The following ITGBL1 variants were observed in gnomAD, a reference collection of about 807,000 sequenced individuals.
ITGBL1 encodes the protein integrin beta-like protein 1.
Under a neutral mutation model 68.5 loss-of-function variants are expected in ITGBL1, and 51 were observed. That is an observed-to-expected ratio of 0.74 (90% CI 0.59 to 0.94). ITGBL1 has a LOEUF of 0.94. Among genes scored for constraint, ITGBL1 ranks in the 40% least tolerant of loss-of-function variants. The pLI, the probability that ITGBL1 is intolerant of heterozygous loss-of-function variation, is 0.00. For missense variants in ITGBL1, 649 were observed against 647.4 expected, an observed-to-expected ratio of 1.00 and a Z score of -0.03; for synonymous variants, 209 against 227.3, an observed-to-expected ratio of 0.92 and a Z score of 0.72.
At chr13:101,641,447 T>C (rs916312671) in intron 7 of ITGBL1, among the ~76,000 whole-genome samples, 3 of 152,034 alleles carry the variant, frequency 2.0e-5, no homozygotes, top group Middle Eastern at 3.2e-3. Context: ...TTTGATTGTC[T>C]ATTTATGTCA....
intron 2 of ITGBL1, among the ~76,000 whole-genome samples, chr13:101,520,290 A>G (rs903961175): frequency 4.6e-5 from 7 of 152,238 alleles, no homozygotes; most frequent in African/African-American, 1.7e-4. Context: ...GTGGTTGAGT[A>G]CGATCAAAAC....
At position 101,715,875 on chromosome 13, in the gene ITGBL1, A is replaced by T. The variant is rs918505356; in HGVS notation, c.*221A>T. 8 of 439,756 alleles carry T rather than the reference A, an allele frequency of 1.8e-5. No homozygotes were observed. In the Admixed American group the frequency reaches 2.7e-4, roughly 15 times the overall value. 27.2% of individuals were successfully genotyped at this position (439,756 alleles called of 1,614,324 possible). Reference sequence around the variant, plus strand: ...AAAAAAAGATTCTTCCATAATTAACATAAGTGGTTCCTAACGAGAGCAATT... The same window carrying T: ...AAAAAAAGATTCTTCCATAATTAACTTAAGTGGTTCCTAACGAGAGCAATT... On this transcript the variant is annotated 3_prime_UTR_variant, in exon 11 of 11. Coordinates refer to ENST00000376180, the MANE Select transcript of ITGBL1 (RefSeq NM_004791.3).
rs547611508 is a variant in ITGBL1, at chr13:101,547,693, A to G, written c.317-20006A>G. On this transcript the variant is annotated intron_variant, in intron 2 of 10. Coordinates refer to ENST00000376180, the MANE Select transcript of ITGBL1 (RefSeq NM_004791.3). ...AAAATAATTTATTGTACATTTTTAAATAACTAAAATATTGGATTGTTTTTT... is the reference window on the plus strand; with the variant it reads ...AAAATAATTTATTGTACATTTTTAAGTAACTAAAATATTGGATTGTTTTTT... 3.9e-5 allele frequency among the ~76,000 whole-genome samples: 6 copies of G among 151,950 alleles called. No individual in the cohort carries two copies. The East Asian group carries it at 1.2e-3, about 29-fold the overall frequency.
At chr13:101,516,485 G>A (rs996733511) in intron 2 of ITGBL1, among the ~76,000 whole-genome samples, 4 of 152,140 alleles carry the variant, frequency 2.6e-5, no homozygotes, top group African/African-American at 7.2e-5. Flanking sequence ...CCAGGCATTT[G>A]CATTCAATTT....
At chr13:101,596,799 A>G (rs911666243) in intron 6 of ITGBL1, among the ~76,000 whole-genome samples, 5 of 152,030 alleles carry the variant, frequency 3.3e-5, no homozygotes, top group East Asian at 3.9e-4. Flanking sequence ...CATATTACCA[A>G]CTGAAAAAAA....
At chr13:101,567,941 T>G in intron 3 of ITGBL1, 96 bp downstream of exon 3, 1 of 938,302 alleles carries the variant, frequency 1.1e-6, no homozygotes, top group Non-Finnish European at 1.6e-6. Context: ...AATCTCAGAG[T>G]GAGTCTGCTT....
Position 101,517,744 on chromosome 13 carries a change from G to A in ITGBL1, c.317-49955G>A, listed in dbSNP as rs142948796. Among the ~76,000 whole-genome samples, 1,243 of 152,274 alleles carry A rather than the reference G, an allele frequency of 8.2e-3. 4 individuals carry two copies. The highest frequency in any genetic ancestry group is 0.027 in the Middle Eastern group (8 of 294). Reference sequence around the variant, plus strand: ...CCAGTGTGGTGGAGGGTTAATCTTGGCCAATTCAGGGTTCTTCCTTTCCAT... The same window carrying A: ...CCAGTGTGGTGGAGGGTTAATCTTGACCAATTCAGGGTTCTTCCTTTCCAT... On this transcript the variant is annotated intron_variant, in intron 2 of 10. Transcript: ENST00000376180.
intron 6 of ITGBL1, among the ~76,000 whole-genome samples, chr13:101,585,717 A>G (rs1246720191): frequency 1.1e-4 from 16 of 152,032 alleles, no homozygotes; most frequent in Admixed American, 1.0e-3. Flanking sequence ...GGTGTGAGCC[A>G]CCTCCCCCGG....
Position 101,598,481 on chromosome 13 carries a change from A to G in ITGBL1, c.1015+182A>G, listed in dbSNP as rs143330395. Among the ~76,000 whole-genome samples, 996 of 151,810 alleles carry G rather than the reference A, an allele frequency of 6.6e-3. 6 individuals carry two copies. The highest frequency in any genetic ancestry group is 0.024 in the South Asian group (117 of 4,798). On this transcript the variant is annotated intron_variant, in intron 7 of 10. Coordinates refer to ENST00000376180, the MANE Select transcript of ITGBL1 (RefSeq NM_004791.3). Reference sequence around the variant, plus strand: ...TTAAGTTTTAGTGTACATGTGCGCAATGTGCAGGTTTGTTACATATGTATA... The same window carrying G: ...TTAAGTTTTAGTGTACATGTGCGCAGTGTGCAGGTTTGTTACATATGTATA...
chr13:101,639,366 A>G (rs780673544), intron 7 of ITGBL1, among the ~76,000 whole-genome samples: 3 of 152,198 alleles, frequency 2.0e-5, no homozygotes, highest in Non-Finnish European at 4.4e-5. Flanking sequence ...AAGACTGATA[A>G]TGTTGCTCAA....
downstream of ITGBL1, chr13:101,717,842 C>T (rs2034784677): frequency 6.6e-6 from 1 of 152,108 alleles, no homozygotes; most frequent in Admixed American, 6.6e-5. Flanking sequence ...CATCACAAAA[C>T]CTCAGGTATG....
chr13:101,488,669 C>T (rs1186272190), intron 2 of ITGBL1, among the ~76,000 whole-genome samples: 3 of 152,146 alleles, frequency 2.0e-5, no homozygotes, highest in East Asian at 1.9e-4. Context: ...ATGTCTTATT[C>T]GTGAACCCCC....
chr13:101,594,616 G>A (rs1446063929), intron 6 of ITGBL1, among the ~76,000 whole-genome samples: 2 of 151,954 alleles, frequency 1.3e-5, no homozygotes, highest in Non-Finnish European at 1.5e-5. Context: ...TTCTACAGCA[G>A]CAAAGGAAAC....
At chr13:101,494,233 C>T (rs1002094346) in intron 2 of ITGBL1, among the ~76,000 whole-genome samples, 8 of 152,092 alleles carry the variant, frequency 5.3e-5, no homozygotes, top group South Asian at 2.1e-4. Flanking sequence ...AGCAATTATG[C>T]GGCTTACTTA....
At position 101,472,319 on chromosome 13, in the gene ITGBL1, C is replaced by G. The variant is rs528792146; in HGVS notation, c.316+18219C>G. Among the ~76,000 whole-genome samples, 3 of 152,280 alleles carry G rather than the reference C, an allele frequency of 2.0e-5. No homozygotes were observed. In the South Asian group the frequency reaches 6.2e-4, roughly 32 times the overall value. On this transcript the variant is annotated intron_variant, in intron 2 of 10. Transcript: ENST00000376180. ...AAGCACAGCAAAGATAACAACCAAA[C>G]TGTTGGTACAAATCATGAGACAGAT... is the stretch of plus-strand genomic sequence containing the variant.
intron 7 of ITGBL1, among the ~76,000 whole-genome samples, chr13:101,672,357 C>A (rs1007608778): frequency 6.6e-6 from 1 of 152,174 alleles, no homozygotes; most frequent in Non-Finnish European, 1.5e-5. Context: ...GTAAGGTTTT[C>A]CTTTTAATGA....
intron 2 of ITGBL1, among the ~76,000 whole-genome samples, chr13:101,565,371 G>A (rs188863490): frequency 2.6e-5 from 4 of 152,114 alleles, no homozygotes; most frequent in Admixed American, 6.6e-5. Flanking sequence ...CAGGCTATTT[G>A]ATAATTCTTG....
chr13:101,468,347 GA>G (rs1260884460), intron 2 of ITGBL1, among the ~76,000 whole-genome samples: 1 of 152,176 alleles, frequency 6.6e-6, no homozygotes, highest in Non-Finnish European at 1.5e-5. Flanking sequence ...TGCTACATTA[GA>G]AATACAAATG....
chr13:101,693,369 A>G (rs1038335144), intron 8 of ITGBL1, among the ~76,000 whole-genome samples: 1 of 152,232 alleles, frequency 6.6e-6, no homozygotes, highest in Admixed American at 6.5e-5. Flanking sequence ...TCCAGTATAA[A>G]TGAAGTGATG....
Sources: allele counts gnomAD v4.1 joint callset (sites outside exome capture counted in the v4.1 genomes callset), GRCh38; gene constraint gnomAD v4.1.1; transcripts MANE v1.5; gene names NCBI Gene and HGNC (gene_info 2026-07-23, HGNC 2026-07-21).